GALNT10: variants seen among roughly 807,000 people sequenced by gnomAD.
The protein encoded by GALNT10 is polypeptide N-acetylgalactosaminyltransferase 10.
A neutral mutation model predicts 75.0 loss-of-function variants in GALNT10; 41 were observed. The observed-to-expected ratio is 0.55, with a 90% CI of 0.43 to 0.71. The LOEUF is 0.71. GALNT10 is among the 30% of genes least tolerant of loss of function. The probability of loss-of-function intolerance (pLI) is 0.00; values close to 1 mark genes in which losing one functional copy is unlikely to be tolerated. For missense variants in GALNT10, 727 were observed against 818.5 expected, an observed-to-expected ratio of 0.89 and a Z score of 1.36; for synonymous variants, 302 against 313.0, an observed-to-expected ratio of 0.96 and a Z score of 0.37.
At chr5:154,386,605 G>A (rs1561678728) in intron 7 of GALNT10, 175 bp downstream of exon 7, 6 of 600,020 alleles carry the variant, frequency 1.0e-5, no homozygotes, top group South Asian at 3.6e-5. Flanking sequence ...GTTGTGGGGT[G>A]GGGGGGTGTG....
chr5:154,371,112 G>T (rs114257470), intron 4 of GALNT10, among the ~76,000 whole-genome samples: 3,909 of 152,262 alleles, frequency 0.026, 164 homozygotes, highest in African/African-American at 0.089. Context: ...TTCCATGCCT[G>T]TTCCCAGCTT....
At chr5:154,329,035 G>A (rs1341960971) in intron 3 of GALNT10, among the ~76,000 whole-genome samples, 6 of 151,916 alleles carry the variant, frequency 3.9e-5, no homozygotes, top group Non-Finnish European at 7.4e-5. Context: ...TGACCACCCC[G>A]CCTCCTGGAG....
intron 1 of GALNT10, among the ~76,000 whole-genome samples, chr5:154,265,308 C>G (rs1375056151): frequency 6.6e-6 from 1 of 152,114 alleles, no homozygotes; most frequent in East Asian, 1.9e-4. Context: ...GAACAGTAGA[C>G]CTGGAAGGGA....
At chr5:154,219,832 T>TCACACACACACACG (rs775014222) in intron 1 of GALNT10, among the ~76,000 whole-genome samples, 3 of 80,120 alleles carry the variant, frequency 3.7e-5, no homozygotes, top group Non-Finnish European at 9.7e-5. Context: ...TCTCTCTCTC[T>TCACACACACACACG]CTCTCTCACA....
At chr5:154,229,093 T>C (rs989758980) in intron 1 of GALNT10, among the ~76,000 whole-genome samples, 3 of 152,342 alleles carry the variant, frequency 2.0e-5, no homozygotes, top group Middle Eastern at 3.4e-3. Context: ...AACGTGGGAT[T>C]GATTGCATTT....
At chr5:154,328,261 AAT>A (rs1754787254) in intron 3 of GALNT10, among the ~76,000 whole-genome samples, 1 of 152,146 alleles carries the variant, frequency 6.6e-6, no homozygotes, top group Non-Finnish European at 1.5e-5. Context: ...GAACAATGTT[AAT>A]TCTTCTGGGT....
chr5:154,200,619 G>T (rs1775014619), intron 1 of GALNT10, among the ~76,000 whole-genome samples: 1 of 152,154 alleles, frequency 6.6e-6, no homozygotes, highest in African/African-American at 2.4e-5. Context: ...TCTAAATTTG[G>T]TACCTAACTT....
chr5:154,195,909 T>C (rs1774930972), intron 1 of GALNT10, among the ~76,000 whole-genome samples: 1 of 152,190 alleles, frequency 6.6e-6, no homozygotes, highest in African/African-American at 2.4e-5. Context: ...CAACATTTTA[T>C]AGTGTTTTGT....
intron 7 of GALNT10, among the ~76,000 whole-genome samples, chr5:154,400,728 T>G (rs765967902): frequency 6.6e-6 from 1 of 152,130 alleles, no homozygotes; most frequent in African/African-American, 2.4e-5. Flanking sequence ...GAGGTGGCTC[T>G]TAAGGGGACC....
chr5:154,371,298 C>T (rs879603173), intron 4 of GALNT10, among the ~76,000 whole-genome samples: 1 of 152,116 alleles, frequency 6.6e-6, no homozygotes, highest in Non-Finnish European at 1.5e-5. Flanking sequence ...CCCGTCTTAA[C>T]ATAACTACAT....
At chr5:154,367,790 G>A (rs1228353554) in intron 4 of GALNT10, among the ~76,000 whole-genome samples, 3 of 151,642 alleles carry the variant, frequency 2.0e-5, no homozygotes, top group East Asian at 1.9e-4. Context: ...CCCAGGAGGC[G>A]GAGGTTGCAG....
chr5:154,275,095 C>A (rs1471303921), intron 1 of GALNT10, among the ~76,000 whole-genome samples: 1 of 152,218 alleles, frequency 6.6e-6, no homozygotes, highest in Admixed American at 6.5e-5. Context: ...TACCACATCA[C>A]CGTCTATAAA....
intron 1 of GALNT10, among the ~76,000 whole-genome samples, chr5:154,252,145 A>C (rs924341571): frequency 1.3e-5 from 2 of 152,250 alleles, no homozygotes; most frequent in East Asian, 3.9e-4. Context: ...GGAAAACACT[A>C]AACAGTATTT....
chr5:154,238,753 T>C (rs1387652718), intron 1 of GALNT10, among the ~76,000 whole-genome samples: 1 of 152,242 alleles, frequency 6.6e-6, no homozygotes, highest in African/African-American at 2.4e-5. Flanking sequence ...AGCTGTCCTA[T>C]TTTTATTTTA....
intron 1 of GALNT10, among the ~76,000 whole-genome samples, chr5:154,221,540 C>T (rs1441907311): frequency 6.6e-6 from 1 of 152,212 alleles, no homozygotes; most frequent in Non-Finnish European, 1.5e-5. Context: ...CCAGCCATGC[C>T]TGAAATTTCA....
At chr5:154,333,560 C>T (rs1362716431) in intron 4 of GALNT10, among the ~76,000 whole-genome samples, 5 of 151,962 alleles carry the variant, frequency 3.3e-5, no homozygotes, top group African/African-American at 1.2e-4. Context: ...AGAATAACCC[C>T]CTCCCCCACC....
intron 1 of GALNT10, among the ~76,000 whole-genome samples, chr5:154,244,880 G>A (rs1753396565): frequency 6.6e-6 from 1 of 152,216 alleles, no homozygotes; most frequent in Non-Finnish European, 1.5e-5. Context: ...AGTATGAAAA[G>A]TTCACCATTT....
intron 1 of GALNT10, among the ~76,000 whole-genome samples, chr5:154,241,418 G>A (rs930075438): frequency 1.3e-5 from 2 of 152,146 alleles, no homozygotes; most frequent in African/African-American, 4.8e-5. Context: ...AAATTTCCCA[G>A]TAATTGTGAC....
In GALNT10 at chr5:154,337,689, A is replaced by G; in HGVS notation, c.568+7951A>G. 8 of 1,167,592 alleles carry G rather than the reference A, an allele frequency of 6.9e-6. 1 individual carries two copies. In the South Asian group the frequency reaches 9.7e-5, roughly 14 times the overall value. 72.3% of individuals were successfully genotyped at this position (1,167,592 alleles called of 1,614,324 possible). On this transcript the variant is annotated intron_variant, in intron 4 of 11. Transcript: ENST00000297107. ...TCCAGAATCGCTTCCATCATTACCA[A>G]ATCCATTATAGCCATCCCCACCGCC...
Sources: gnomAD v4.1 joint callset for allele counts (sites outside exome capture counted in the v4.1 genomes callset) on GRCh38, gnomAD v4.1.1 for gene constraint, MANE v1.5 for transcripts, NCBI Gene and HGNC (gene_info 2026-07-23, HGNC 2026-07-21) for gene names.